ITGBL1: variants seen among roughly 807,000 people sequenced by gnomAD.
ITGBL1 encodes the protein integrin beta-like protein 1.
ITGBL1 carries 51 observed loss-of-function variants against 68.5 expected under a neutral mutation model. That is an observed-to-expected ratio of 0.74 (90% CI 0.59 to 0.94). The LOEUF (loss-of-function observed/expected upper bound fraction) is 0.94. Among genes scored for constraint, ITGBL1 ranks in the 40% least tolerant of loss-of-function variants. The pLI is 0.00. For synonymous variants in ITGBL1, 209 were observed against 227.3 expected (o/e 0.92, Z 0.72); for missense variants, 649 against 647.4 (o/e 1.00, Z -0.03).
intron 3 of ITGBL1, among the ~76,000 whole-genome samples, chr13:101,570,418 C>T (rs902120018): frequency 1.3e-5 from 2 of 152,154 alleles, no homozygotes; most frequent in African/African-American, 2.4e-5. Flanking sequence ...CTTATCCAAA[C>T]AGCCCTGATT....
intron 7 of ITGBL1, among the ~76,000 whole-genome samples, chr13:101,683,293 G>A (rs931929498): frequency 6.6e-6 from 1 of 151,996 alleles, no homozygotes; most frequent in Non-Finnish European, 1.5e-5. Context: ...CAAACAGTGT[G>A]ATAGTTAGAC....
intron 2 of ITGBL1, among the ~76,000 whole-genome samples, chr13:101,524,965 G>C (rs2049349674): frequency 6.6e-6 from 1 of 152,042 alleles, no homozygotes; most frequent in African/African-American, 2.4e-5. Context: ...CACTCCATTT[G>C]TATGTTTGTT....
At chr13:101,577,265 C>T (rs1232684401) in intron 4 of ITGBL1, among the ~76,000 whole-genome samples, 1 of 152,144 alleles carries the variant, frequency 6.6e-6, no homozygotes, top group Non-Finnish European at 1.5e-5. Context: ...GAGATGATTC[C>T]ACAGTTCATC....
intron 2 of ITGBL1, among the ~76,000 whole-genome samples, chr13:101,534,006 TAGAA>T (rs1174575964): frequency 2.6e-5 from 4 of 152,178 alleles, no homozygotes; most frequent in African/African-American, 9.6e-5. Flanking sequence ...TAATCAGAGA[TAGAA>T]AGGCATTCAG....
rs758063334 is a variant in ITGBL1 at position 101,715,890 on chromosome 13, C to T, written c.*236C>T. 90 of 415,492 alleles carry T rather than the reference C, an allele frequency of 2.2e-4. No homozygotes were observed. Among genetic ancestry groups the T allele is most frequent in the Non-Finnish European group, 3.0e-4 (69 of 227,574 alleles). The allele number at this position is 415,492 out of a possible 1,614,324, so 25.7% of individuals were successfully genotyped here. A position where few individuals can be genotyped will look rare whatever the true frequency, so the allele number is the denominator to read the frequency against. The stretch of plus-strand genomic sequence containing the variant: ...CATAATTAACATAAGTGGTTCCTAA[C>T]GAGAGCAATTTTTCCACCCAAAAGT... On this transcript the variant is annotated 3_prime_UTR_variant, in exon 11 of 11. Transcript: ENST00000376180.
intron 7 of ITGBL1, among the ~76,000 whole-genome samples, chr13:101,678,652 A>G (rs981789243): frequency 1.3e-5 from 2 of 152,010 alleles, no homozygotes; most frequent in Non-Finnish European, 2.9e-5. Flanking sequence ...GGTGCTCACC[A>G]CCACACCCAG....
At chr13:101,604,887 T>TGTATACACACAC (rs1555361661) in intron 7 of ITGBL1, among the ~76,000 whole-genome samples, 1 of 22,164 alleles carries the variant, frequency 4.5e-5, no homozygotes, top group Non-Finnish European at 8.2e-5. Context: ...TATATATATA[T>TGTATACACACAC]ACACACACAC....
chr13:101,464,292 AT>A (rs1391335138), intron 2 of ITGBL1, among the ~76,000 whole-genome samples: 2 of 151,510 alleles, frequency 1.3e-5, no homozygotes, highest in Admixed American at 1.3e-4. Flanking sequence ...CTGTTTTTTT[AT>A]TTCACTTTCA....
rs2139290081 is a variant in ITGBL1, at chr13:101,583,325, C to T, written c.837C>T (p.Val279=). Residue 279 remains valine (V), a synonymous_variant, in exon 6 of 11, where the codon GTC becomes GTT. Transcript: ENST00000376180. ...GTGATGAGAGGGACTGTAGAGCTGTCTATGACCGATATTCTGATGACTTCT... is the reference window on the plus strand; with the variant it reads ...GTGATGAGAGGGACTGTAGAGCTGTTTATGACCGATATTCTGATGACTTCT... ...CECDERDCRA[V]YDRYSDDFCS... 2 of 1,600,404 alleles carry T rather than the reference C, an allele frequency of 1.2e-6. No individual in the cohort carries two copies. Among genetic ancestry groups the T allele is most frequent in the Non-Finnish European group, 1.7e-6 (2 of 1,174,468 alleles).
intron 2 of ITGBL1, among the ~76,000 whole-genome samples, chr13:101,461,442 C>T (rs1213864869): frequency 1.3e-5 from 2 of 152,086 alleles, no homozygotes; most frequent in Non-Finnish European, 2.9e-5. Context: ...GCCTGTAATC[C>T]TAGCACTTTG....
At chr13:101,649,274 C>T (rs1194456866) in intron 7 of ITGBL1, among the ~76,000 whole-genome samples, 1 of 152,072 alleles carries the variant, frequency 6.6e-6, no homozygotes, top group Non-Finnish European at 1.5e-5. Flanking sequence ...AGAAATTATT[C>T]AAAACACAAG....
At chr13:101,632,772 TC>T (rs1163876966) in intron 7 of ITGBL1, among the ~76,000 whole-genome samples, 1 of 152,222 alleles carries the variant, frequency 6.6e-6, no homozygotes, top group Non-Finnish European at 1.5e-5. Context: ...AAAGAGACTA[TC>T]AGGTTTACAA....
chr13:101,490,150 C>T, intron 2 of ITGBL1: 2 of 583,372 alleles, frequency 3.4e-6, no homozygotes, highest in Non-Finnish European at 6.0e-6. Context: ...TAGTTGAGTA[C>T]ATGAGGGTGG....
At chr13:101,616,330 T>A (rs186891672) in intron 7 of ITGBL1, among the ~76,000 whole-genome samples, 81 of 152,054 alleles carry the variant, frequency 5.3e-4, no homozygotes, top group South Asian at 1.2e-3. Flanking sequence ...AGGATGGGAG[T>A]CTTTATTTGT....
chr13:101,636,323 A>G (rs1173129947), intron 7 of ITGBL1, among the ~76,000 whole-genome samples: 1 of 152,138 alleles, frequency 6.6e-6, no homozygotes, highest in Non-Finnish European at 1.5e-5. Context: ...TTCCTTTAAT[A>G]CTCAAACATA....
At chr13:101,584,691 C>A (rs563250234) in intron 6 of ITGBL1, among the ~76,000 whole-genome samples, 11 of 152,070 alleles carry the variant, frequency 7.2e-5, no homozygotes, top group African/African-American at 2.7e-4. Context: ...GTATTTTTTT[C>A]TATTATTAAT....
chr13:101,619,552 G>A (rs2031502046), intron 7 of ITGBL1, among the ~76,000 whole-genome samples: 2 of 152,264 alleles, frequency 1.3e-5, no homozygotes, highest in South Asian at 4.2e-4. Flanking sequence ...ACCTTGATTT[G>A]AGCCCAGCCA....
At chr13:101,674,718 G>T (rs747367196) in intron 7 of ITGBL1, among the ~76,000 whole-genome samples, 9 of 151,730 alleles carry the variant, frequency 5.9e-5, no homozygotes, top group Non-Finnish European at 1.3e-4. Context: ...TGGGTTCAAA[G>T]TTCATGAGAT....
intron 2 of ITGBL1, among the ~76,000 whole-genome samples, chr13:101,482,796 T>C (rs963892977): frequency 2.6e-5 from 4 of 152,090 alleles, no homozygotes; most frequent in Admixed American, 6.6e-5. Context: ...GGAAAAAAAT[T>C]GCAATTTACT....
Sources: gnomAD v4.1 joint callset for allele counts (sites outside exome capture counted in the v4.1 genomes callset) on GRCh38, gnomAD v4.1.1 for gene constraint, MANE v1.5 for transcripts, NCBI Gene and HGNC (gene_info 2026-07-23, HGNC 2026-07-21) for gene names.